The following ABCA13 variants were observed in gnomAD, a reference collection of about 807,000 sequenced individuals.
The protein encoded by ABCA13 is ATP binding cassette subfamily A member 13.
A neutral mutation model predicts 478.7 loss-of-function variants in ABCA13; 476 were observed. That is an observed-to-expected ratio of 0.99 (90% CI 0.92 to 1.07). ABCA13 has a LOEUF of 1.07. ABCA13 is among the 50% of genes least tolerant of loss of function. The pLI is 0.00. For synonymous variants in ABCA13, 2,252 were observed against 2,158.9 expected, an observed-to-expected ratio of 1.04 and a Z score of -1.20; for missense variants, 6,060 against 5,910.6, an observed-to-expected ratio of 1.03 and a Z score of -0.83.
chr7:48,390,378 C>G (rs7806347), intron 37 of ABCA13, among the ~76,000 whole-genome samples: 3 of 152,078 alleles, frequency 2.0e-5, no homozygotes, highest in African/African-American at 7.2e-5. Flanking sequence ...CTATTTAAAA[C>G]AACAGTCTTT....
In ABCA13 at chr7:48,227,255, C is replaced by A; in HGVS notation, c.469-7C>A. On this transcript the variant is annotated splice_polypyrimidine_tract_variant and splice_region_variant and intron_variant, in intron 5 of 61. Transcript: ENST00000435803. ...GGAAACTTTTGGTGTATTTTTTTTC[C>A]CATCAGATGGATCTCAATAAGACCG... 6.2e-7 allele frequency: 1 copy of A among 1,609,422 alleles called. No homozygotes were observed. The highest frequency in any genetic ancestry group is 8.5e-7 in the Non-Finnish European group (1 of 1,178,460).
chr7:48,199,295 G>A (rs1798345020), intron 3 of ABCA13, among the ~76,000 whole-genome samples: 1 of 152,178 alleles, frequency 6.6e-6, no homozygotes, highest in Non-Finnish European at 1.5e-5. Flanking sequence ...CATAAACTGT[G>A]TGGCTTATAA....
chr7:48,412,099 T>G (rs1445228134), intron 40 of ABCA13, among the ~76,000 whole-genome samples: 1 of 152,130 alleles, frequency 6.6e-6, no homozygotes, highest in Non-Finnish European at 1.5e-5. Context: ...GCAGGCCCAG[T>G]AGCTAAGACG....
intron 52 of ABCA13, among the ~76,000 whole-genome samples, chr7:48,519,021 G>A (rs982467940): frequency 4.6e-5 from 7 of 151,554 alleles, no homozygotes; most frequent in Admixed American, 1.3e-4. Context: ...GTGTTCATGC[G>A]TTCTCATTGC....
At chr7:48,586,031 CAT>C (rs1196347463) in intron 56 of ABCA13, among the ~76,000 whole-genome samples, 1 of 152,124 alleles carries the variant, frequency 6.6e-6, no homozygotes, top group Non-Finnish European at 1.5e-5. Flanking sequence ...AGAGGTGACA[CAT>C]ATATCACACA....
intron 1 of ABCA13, among the ~76,000 whole-genome samples, chr7:48,184,795 G>A (rs1197042190): frequency 1.3e-5 from 2 of 152,182 alleles, no homozygotes; most frequent in Non-Finnish European, 2.9e-5. Context: ...ACTTCAGCCT[G>A]GGTGACAGAG....
intron 1 of ABCA13, among the ~76,000 whole-genome samples, chr7:48,188,555 C>CT (rs1200026038): frequency 4.6e-5 from 7 of 151,808 alleles, no homozygotes; most frequent in African/African-American, 9.7e-5. Context: ...GCTCTAGAAA[C>CT]TTTTTTTTCT....
intron 59 of ABCA13, among the ~76,000 whole-genome samples, chr7:48,615,853 C>A (rs1457199205): frequency 6.6e-6 from 1 of 152,160 alleles, no homozygotes; most frequent in Non-Finnish European, 1.5e-5. Context: ...TGGTTGCTTT[C>A]CATTTGGATT....
intron 55 of ABCA13, among the ~76,000 whole-genome samples, chr7:48,536,519 G>A (rs1346247261): frequency 6.6e-6 from 1 of 151,962 alleles, no homozygotes; most frequent in African/African-American, 2.4e-5. Flanking sequence ...GTGGTGGTGT[G>A]TGCCTGTAAT....
At chr7:48,490,209 G>A (rs1018230323) in intron 48 of ABCA13, among the ~76,000 whole-genome samples, 26 of 152,120 alleles carry the variant, frequency 1.7e-4, no homozygotes, top group Admixed American at 5.2e-4. Flanking sequence ...AAAAATGTAC[G>A]TGACTAAGAG....
intron 33 of ABCA13, among the ~76,000 whole-genome samples, chr7:48,374,034 C>A (rs1184280303): frequency 6.6e-6 from 1 of 152,108 alleles, no homozygotes. Context: ...TTACTCTATT[C>A]CAGTTTTCAC....
chr7:48,279,643 C>T lies in ABCA13; in HGVS notation c.8449C>T (p.His2817Tyr). The T allele has an allele frequency of 6.2e-7, 1 of 1,612,902 alleles. No individual in the cohort carries two copies. Among genetic ancestry groups the T allele is most frequent in the South Asian group, 1.1e-5 (1 of 90,778 alleles). The change falls in exon 18 of 62, where the codon CAT becomes TAT. Residue 2817 changes from histidine to tyrosine, a missense_variant. His to Tyr is a moderately conservative substitution (Grantham distance 83). Around this residue, in one of 3 missense-constraint regions of ABCA13, gnomAD observed 4,423 missense variants for 4,309.1 expected, o/e 1.03. Transcript: ENST00000435803. ...TCATCATCAACTTGAAAAAGCAATC[C>T]ATAATGTTTTAAGTAGAATAGCTCT... ...ITHHQLEKAI[H>Y]NVLSRIALWR...
At chr7:48,445,011 CTTTTT>C (rs34045232) in intron 42 of ABCA13, among the ~76,000 whole-genome samples, 1 of 141,484 alleles carries the variant, frequency 7.1e-6, no homozygotes, top group African/African-American at 2.6e-5. Context: ...TTCTTTCTTT[CTTTTT>C]TTTTTTTTTG....
chr7:48,426,865 T>C (rs1376750067), intron 41 of ABCA13, among the ~76,000 whole-genome samples: 3 of 152,202 alleles, frequency 2.0e-5, no homozygotes, highest in Non-Finnish European at 2.9e-5. Flanking sequence ...CTTTAAATAC[T>C]GTGATCATCA....
At chr7:48,371,588 T>C (rs1415570958) in intron 32 of ABCA13, among the ~76,000 whole-genome samples, 1 of 152,166 alleles carries the variant, frequency 6.6e-6, no homozygotes, top group Non-Finnish European at 1.5e-5. Flanking sequence ...GGCTCTCTGC[T>C]TGTTTCCTGT....
At chr7:48,410,271 G>T (rs749788991) in intron 39 of ABCA13, among the ~76,000 whole-genome samples, 6 of 151,982 alleles carry the variant, frequency 3.9e-5, no homozygotes, top group Admixed American at 3.9e-4. Flanking sequence ...TTCACTCTCC[G>T]TGCCTGGCAG....
intron 35 of ABCA13, among the ~76,000 whole-genome samples, chr7:48,386,057 C>G (rs985259539): frequency 7.9e-5 from 12 of 152,090 alleles, no homozygotes; most frequent in Non-Finnish European, 1.6e-4. Flanking sequence ...GGATACTAGA[C>G]CTTTGTCAGA....
chr7:48,216,586 A>T (rs984082211), intron 3 of ABCA13, among the ~76,000 whole-genome samples: 4 of 151,920 alleles, frequency 2.6e-5, no homozygotes, highest in African/African-American at 9.7e-5. Context: ...AAAAGTTTTT[A>T]ATTTTCATGA....
chr7:48,479,312 A>G (rs1273613427), intron 45 of ABCA13, among the ~76,000 whole-genome samples: 1 of 151,920 alleles, frequency 6.6e-6, no homozygotes, highest in Non-Finnish European at 1.5e-5. Flanking sequence ...ATCTTGGCTC[A>G]CTGCAACCTC....
Sources: gnomAD v4.1 joint callset for allele counts (sites outside exome capture counted in the v4.1 genomes callset) on GRCh38, gnomAD v4.1.1 for gene constraint, gnomAD v4.1.1 regional missense constraint, MANE v1.5 for transcripts, NCBI Gene and HGNC (gene_info 2026-07-23, HGNC 2026-07-21) for gene names.